CCSER1: variants seen among roughly 807,000 people sequenced by gnomAD.
CCSER1 encodes serine-rich coiled-coil domain-containing protein 1.
In CCSER1, 41 loss-of-function variants were observed where a neutral mutation model predicts 82.0. The ratio of observed to expected loss-of-function variants is 0.50; its 90% CI spans 0.39 to 0.65. The LOEUF is 0.65. CCSER1 is among the 30% of genes least tolerant of loss of function. The pLI is 0.00. For synonymous variants in CCSER1, 414 were observed against 383.9 expected, an observed-to-expected ratio of 1.08 and a Z score of -0.92; for missense variants, 1,119 against 1,064.2, an observed-to-expected ratio of 1.05 and a Z score of -0.72.
chr4:91,200,130 A>G (rs1049241904), intron 10 of CCSER1, among the ~76,000 whole-genome samples: 3 of 152,060 alleles, frequency 2.0e-5, no homozygotes, highest in African/African-American at 7.2e-5. Flanking sequence ...TGACAAATAT[A>G]TCCTTGAAGT....
intron 7 of CCSER1, among the ~76,000 whole-genome samples, chr4:90,749,554 GT>G (rs1402341464): frequency 4.6e-5 from 7 of 152,074 alleles, no homozygotes; most frequent in African/African-American, 1.7e-4. Context: ...CTTTAAAGTA[GT>G]TTTTTCCAAT....
At chr4:90,606,164 G>A (rs923097687) in intron 5 of CCSER1, among the ~76,000 whole-genome samples, 19 of 151,404 alleles carry the variant, frequency 1.3e-4, no homozygotes, top group African/African-American at 4.1e-4. Context: ...TTATTAATAA[G>A]TTATGGCCAT....
intron 1 of CCSER1, among the ~76,000 whole-genome samples, chr4:90,175,086 C>T (rs536937272): frequency 6.6e-6 from 1 of 151,938 alleles, no homozygotes; most frequent in Non-Finnish European, 1.5e-5. Flanking sequence ...TTGTAAGAGC[C>T]AGAAACTGGT....
intron 10 of CCSER1, among the ~76,000 whole-genome samples, chr4:91,172,293 A>G (rs922126276): frequency 6.6e-6 from 1 of 152,190 alleles, no homozygotes; most frequent in Non-Finnish European, 1.5e-5. Context: ...ATTTTGTTCA[A>G]CCAGAGTGTT....
At chr4:91,313,243 T>A (rs1434072042) in intron 10 of CCSER1, among the ~76,000 whole-genome samples, 1 of 151,914 alleles carries the variant, frequency 6.6e-6, no homozygotes, top group African/African-American at 2.4e-5. Flanking sequence ...AGTTATAACA[T>A]ATTCTAATTA....
chr4:91,381,782 G>A (rs757914264), intron 10 of CCSER1, among the ~76,000 whole-genome samples: 4 of 152,200 alleles, frequency 2.6e-5, no homozygotes, highest in Non-Finnish European at 4.4e-5. Context: ...TCCATTGCTG[G>A]TGAGGATCTG....
chr4:90,660,138 T>G (rs528279521), intron 6 of CCSER1, among the ~76,000 whole-genome samples: 2 of 152,136 alleles, frequency 1.3e-5, no homozygotes, highest in African/African-American at 4.8e-5. Context: ...CTCAAAGAAA[T>G]AAGTATATAA....
chr4:90,951,450 C>T lies in CCSER1; in HGVS notation c.2172+28003C>T, dbSNP rs560682687. 7.2e-5 allele frequency: 11 copies of T among 151,988 alleles called. No homozygotes were observed. In the East Asian group the frequency reaches 1.7e-3, roughly 24 times the overall value. 9.4% of individuals were successfully genotyped at this position (151,988 alleles called of 1,614,324 possible). A position where few individuals can be genotyped will look rare whatever the true frequency, so the allele number is the denominator to read the frequency against. ...TGTGAAAAAGTAAGGAAACTTTTTT[C>T]GGTTACTTTTCTTCCTTTCATAAAT... On this transcript the variant is annotated intron_variant, in intron 9 of 10. Transcript: ENST00000509176.
intron 8 of CCSER1, among the ~76,000 whole-genome samples, chr4:90,826,292 A>G (rs984136538): frequency 3.3e-5 from 5 of 152,174 alleles, no homozygotes; most frequent in Non-Finnish European, 7.4e-5. Flanking sequence ...GTCCAAAACA[A>G]TGGCCTCCTC....
In CCSER1 at chr4:90,170,260, A is replaced by G. The variant is rs1007690231; in HGVS notation, c.-42+42429A>G. On this transcript the variant is annotated intron_variant, in intron 1 of 10. Coordinates refer to ENST00000509176, the MANE Select transcript of CCSER1 (RefSeq NM_001145065.2). The stretch of plus-strand genomic sequence containing the variant: ...TTTCTATCTTAGAAATTAGATTTCT[A>G]TAGAAATGGTACTTGGGCATCCAAA... 1.1e-4 allele frequency among the ~76,000 whole-genome samples: 16 copies of G among 152,168 alleles called. No individual in the cohort carries two copies. The South Asian group carries it at 2.7e-3, about 26-fold the overall frequency.
At chr4:90,443,507 G>T (rs911438891) in intron 4 of CCSER1, among the ~76,000 whole-genome samples, 1 of 151,992 alleles carries the variant, frequency 6.6e-6, no homozygotes, top group Non-Finnish European at 1.5e-5. Context: ...ACTCAGAATG[G>T]GGTTATTTCT....
intron 5 of CCSER1, among the ~76,000 whole-genome samples, chr4:90,551,076 A>T (rs1777419219): frequency 6.6e-6 from 1 of 152,144 alleles, no homozygotes; most frequent in African/African-American, 2.4e-5. Flanking sequence ...GTGGTGTTTC[A>T]GCATATTTTA....
At position 91,437,206 on chromosome 4, in the gene CCSER1, A is replaced by G. The variant is rs138079185; in HGVS notation, c.2218-161366A>G. Among the ~76,000 whole-genome samples, 786 of 152,366 alleles carry G rather than the reference A, an allele frequency of 5.2e-3. 2 individuals are homozygous for G. The highest frequency in any genetic ancestry group is 0.01 in the Middle Eastern group (3 of 294). On this transcript the variant is annotated intron_variant, in intron 10 of 10. Transcript: ENST00000509176. ...AAAATAAAACTTGTATTTTTGGTGC[A>G]TATCTAAAGATATCAGAATACTAGG...
intron 10 of CCSER1, among the ~76,000 whole-genome samples, chr4:91,504,252 T>G (rs1225918729): frequency 6.6e-6 from 1 of 152,194 alleles, no homozygotes. Flanking sequence ...TCAAAAGAAT[T>G]GTTGTATCTA....
intron 8 of CCSER1, among the ~76,000 whole-genome samples, chr4:90,908,008 C>T (rs750528968): frequency 3.9e-5 from 6 of 152,038 alleles, no homozygotes; most frequent in Non-Finnish European, 8.8e-5. Context: ...TTTTTAAAAA[C>T]AATAGAGTAT....
chr4:91,511,856 T>C (rs1178140492), intron 10 of CCSER1, among the ~76,000 whole-genome samples: 1 of 152,182 alleles, frequency 6.6e-6, no homozygotes, highest in Non-Finnish European at 1.5e-5. Flanking sequence ...TAATATATAA[T>C]AGAAATAAAG....
intron 4 of CCSER1, among the ~76,000 whole-genome samples, chr4:90,430,770 G>A (rs1390119951): frequency 1.3e-5 from 2 of 151,818 alleles, no homozygotes; most frequent in African/African-American, 2.4e-5. Flanking sequence ...CAGATTGCAA[G>A]TAGAAATAAC....
chr4:90,487,763 T>A (rs1193254582), intron 5 of CCSER1, among the ~76,000 whole-genome samples: 1 of 152,148 alleles, frequency 6.6e-6, no homozygotes, highest in Non-Finnish European at 1.5e-5. Context: ...TGCCTCAGCC[T>A]CTGGAGTAGC....
intron 10 of CCSER1, among the ~76,000 whole-genome samples, chr4:91,211,866 C>G (rs1347229684): frequency 1.3e-5 from 2 of 151,956 alleles, no homozygotes; most frequent in African/African-American, 4.8e-5. Flanking sequence ...CCAAAGATCT[C>G]TAACAAACTC....
Sources: gnomAD v4.1 joint callset for allele counts (sites outside exome capture counted in the v4.1 genomes callset) on GRCh38, gnomAD v4.1.1 for gene constraint, MANE v1.5 for transcripts, NCBI Gene and HGNC (gene_info 2026-07-23, HGNC 2026-07-21) for gene names.